The following IQANK1 variants were observed in gnomAD, a reference collection of about 807,000 sequenced individuals.
IQANK1 encodes IQ motif and ankyrin repeat containing 1.
A neutral mutation model predicts 22.6 loss-of-function variants in IQANK1; 30 were observed. The observed-to-expected ratio is 1.33, with a 90% CI of 0.99 to 1.80. The LOEUF (loss-of-function observed/expected upper bound fraction) is 1.80, where lower values mean the gene tolerates loss of function less well. IQANK1 is among the 40% of genes most tolerant of loss of function. IQANK1 has a pLI of 0.00. For synonymous variants in IQANK1, 122 were observed against 99.6 expected, an observed-to-expected ratio of 1.23 and a Z score of -1.34; for missense variants, 275 against 235.2, an observed-to-expected ratio of 1.17 and a Z score of -1.11.
At chr8:143,781,238 T>A (rs1587492872) in intron 7 of IQANK1, among the ~76,000 whole-genome samples, 1 of 152,332 alleles carries the variant, frequency 6.6e-6, no homozygotes, top group South Asian at 2.1e-4. Flanking sequence ...GTCAGATGCA[T>A]AGTTTGCAGA....
At chr8:143,775,545 G>A (rs1208497135) in intron 7 of IQANK1, among the ~76,000 whole-genome samples, 4 of 151,986 alleles carry the variant, frequency 2.6e-5, no homozygotes, top group South Asian at 2.1e-4. Flanking sequence ...CAGATCACAA[G>A]GTCAGGAGTT....
At chr8:143,736,624 G>A (rs1055886714) in intron 2 of IQANK1, among the ~76,000 whole-genome samples, 1 of 152,136 alleles carries the variant, frequency 6.6e-6, no homozygotes, top group Non-Finnish European at 1.5e-5. Flanking sequence ...CTCAGTCTAA[G>A]CATGTGTTCT....
At chr8:143,756,172 T>C (rs1819289098) in intron 3 of IQANK1, among the ~76,000 whole-genome samples, 1 of 152,210 alleles carries the variant, frequency 6.6e-6, no homozygotes, top group African/African-American at 2.4e-5. Context: ...GCCTGCTCTT[T>C]TTGGTATCTA....
chr8:143,778,003 G>A (rs1360182274), intron 7 of IQANK1, among the ~76,000 whole-genome samples: 1 of 152,118 alleles, frequency 6.6e-6, no homozygotes, highest in Non-Finnish European at 1.5e-5. Flanking sequence ...GACCATCCTG[G>A]CTAACATGGT....
In IQANK1 at chr8:143,790,610, G is replaced by A. The variant is rs1587500110; in HGVS notation, c.*2G>A. On this transcript the variant is annotated 3_prime_UTR_variant, in exon 14 of 14. Coordinates refer to ENST00000527139, the MANE Select transcript of IQANK1 (RefSeq NM_001381874.1). ...CAGCTGCCAGGCACAGGCCTCTAGT[G>A]CTGGCCCCAGTCCCAATAAAACGTG... is the stretch of plus-strand genomic sequence containing the variant. The A allele has an allele frequency of 1.5e-5, 6 of 398,828 alleles. No individual in the cohort carries two copies. The East Asian group carries it at 2.1e-4, about 14-fold the overall frequency. 24.7% of individuals were successfully genotyped at this position (398,828 alleles called of 1,614,324 possible).
At chr8:143,738,415 A>C (rs1347488166) in intron 2 of IQANK1, among the ~76,000 whole-genome samples, 15 of 152,244 alleles carry the variant, frequency 9.9e-5, no homozygotes, top group Non-Finnish European at 1.5e-5. Flanking sequence ...GCAGCACCGC[A>C]GCTCGGGACT....
chr8:143,777,745 A>G (rs1175186439), intron 7 of IQANK1, among the ~76,000 whole-genome samples: 5 of 152,164 alleles, frequency 3.3e-5, no homozygotes, highest in Admixed American at 3.3e-4. Context: ...AAAGAGATAA[A>G]ATGGAATTCT....
At position 143,739,843 on chromosome 8, in the gene IQANK1, G is replaced by A; in HGVS notation, c.86-16G>A. On this transcript the variant is annotated splice_polypyrimidine_tract_variant and intron_variant, in intron 2 of 13. Coordinates refer to ENST00000527139, the MANE Select transcript of IQANK1 (RefSeq NM_001381874.1). ...GGTCTCTCATCCCAAGCTCACTGAC[G>A]GTCGTTTTCCCTTAGGGAAGCCCGG... is the stretch of plus-strand genomic sequence containing the variant. 1 of 688,850 alleles carries A rather than the reference G, an allele frequency of 1.5e-6. No homozygotes were observed. The highest frequency in any genetic ancestry group is 1.5e-5 in the South Asian group (1 of 65,522). 42.7% of individuals were successfully genotyped at this position (688,850 alleles called of 1,614,324 possible).
At chr8:143,762,224 G>A (rs58166259) in intron 3 of IQANK1, among the ~76,000 whole-genome samples, 3,124 of 151,958 alleles carry the variant, frequency 0.021, 103 homozygotes, top group African/African-American at 0.064. Flanking sequence ...GGTGGGAATC[G>A]CTTGAACCCA....
chr8:143,766,054 G>A (rs998241555), intron 3 of IQANK1, among the ~76,000 whole-genome samples: 1 of 152,162 alleles, frequency 6.6e-6, no homozygotes, highest in Admixed American at 6.5e-5. Context: ...TGTAGGGACC[G>A]GTGTTCTGCA....
At chr8:143,742,827 G>T in intron 3 of IQANK1, 1 of 456,136 alleles carries the variant, frequency 2.2e-6, no homozygotes, top group South Asian at 1.5e-5. Flanking sequence ...CCACACTGGG[G>T]ATGGTCCCAA....
At chr8:143,753,563 C>T (rs1447874850) in intron 3 of IQANK1, among the ~76,000 whole-genome samples, 6 of 151,016 alleles carry the variant, frequency 4.0e-5, no homozygotes, top group African/African-American at 1.5e-4. Context: ...AAGTGATTCT[C>T]CTGCCTCAAC....
chr8:143,767,041 C>T (rs974515447), intron 3 of IQANK1, among the ~76,000 whole-genome samples: 2 of 152,258 alleles, frequency 1.3e-5, no homozygotes, highest in South Asian at 2.1e-4. Flanking sequence ...GTGAGAACAT[C>T]GCACTGTCTT....
intron 3 of IQANK1, among the ~76,000 whole-genome samples, chr8:143,764,451 CAA>C (rs33978948): frequency 3.9e-5 from 5 of 129,470 alleles, no homozygotes; most frequent in South Asian, 2.5e-4. Context: ...TCCGTCGCTA[CAA>C]AAAAAAAAAA....
At chr8:143,777,194 TCATATATA>T (rs1367517790) in intron 7 of IQANK1, among the ~76,000 whole-genome samples, 1 of 151,806 alleles carries the variant, frequency 6.6e-6, no homozygotes, top group Non-Finnish European at 1.5e-5. Flanking sequence ...ACATACATTA[TCATATATA>T]CATATATACA....
chr8:143,735,091 TCAGTCC>T lies in IQANK1; in HGVS notation c.-4-754_-4-749del, dbSNP rs1554625463. On this transcript the variant is annotated intron_variant, in intron 1 of 13. Transcript: ENST00000527139. The surrounding 1 kb of genome is among the most constrained non-coding windows in gnomAD (Gnocchi z 5.2). Reference sequence around the variant, plus strand: ...GTGATCCTATTTTCTGTTTTCAGGGTCAGTCCCAGTTTCATTTGTTCTTTCCCCAAA... The same window carrying T: ...GTGATCCTATTTTCTGTTTTCAGGGTCAGTTTCATTTGTTCTTTCCCCAAA... 6.6e-6 allele frequency among the ~76,000 whole-genome samples: 1 copy of T among 152,216 alleles called. No homozygotes were observed. The highest frequency in any genetic ancestry group is 1.5e-5 in the Non-Finnish European group (1 of 68,036).
In IQANK1 at chr8:143,790,384, G is replaced by C; in HGVS notation, c.1459G>C (p.Glu487Gln). ...GCCGCTGGTGTTCGACCTGCGAGAGGAAGACCTGTTCCCAGTCGTGCAGCG... is the reference window on the plus strand; with the variant it reads ...GCCGCTGGTGTTCGACCTGCGAGAGCAAGACCTGTTCCCAGTCGTGCAGCG... ...GKPLVFDLRE[E>Q]DLFPVVQRQL... Residue 487 changes from glutamate to glutamine, a missense_variant, in exon 14 of 14, where the codon GAA (glutamate) becomes CAA (glutamine). Glu to Gln is a conservative substitution (Grantham distance 29). Transcript: ENST00000527139. 1.0e-6 allele frequency: 1 copy of C among 964,116 alleles called. No individual in the cohort carries two copies. The highest frequency in any genetic ancestry group is 3.3e-5 in the East Asian group (1 of 30,330). 59.7% of individuals were successfully genotyped at this position (964,116 alleles called of 1,614,324 possible).
intron 7 of IQANK1, among the ~76,000 whole-genome samples, chr8:143,786,027 AT>A (rs34432549): frequency 2.4e-4 from 36 of 151,374 alleles, no homozygotes; most frequent in African/African-American, 8.3e-4. Context: ...GCCTGGCCTA[AT>A]TTTTTTTATT....
intron 3 of IQANK1, among the ~76,000 whole-genome samples, chr8:143,747,781 AGTTAATTT>A (rs1316216921): frequency 6.6e-6 from 1 of 151,922 alleles, no homozygotes; most frequent in East Asian, 1.9e-4. Context: ...ATCTATTGAG[AGTTAATTT>A]GTGGCCTAAC....
Sources: gnomAD v4.1 joint callset for allele counts (sites outside exome capture counted in the v4.1 genomes callset) on GRCh38, gnomAD v4.1.1 for gene constraint, Gnocchi (gnomAD v3.1) non-coding constraint, MANE v1.5 for transcripts, NCBI Gene and HGNC (gene_info 2026-07-23, HGNC 2026-07-21) for gene names.